Variants in PRKN observed in about 807,000 individuals in gnomAD.
PRKN encodes E3 ubiquitin-protein ligase parkin.
PRKN carries 56 observed loss-of-function variants against 59.5 expected under a neutral mutation model. That is an observed-to-expected ratio of 0.94 (90% CI 0.76 to 1.18). The LOEUF (loss-of-function observed/expected upper bound fraction) is 1.18, where lower values mean the gene tolerates loss of function less well. Ranked by LOEUF, PRKN falls within the 50% of genes most tolerant of loss-of-function variation. The pLI, the probability that PRKN is intolerant of heterozygous loss-of-function variation, is 0.00. For missense variants in PRKN, 657 were observed against 596.4 expected (o/e 1.10, Z -1.06); for synonymous variants, 250 against 222.1 (o/e 1.13, Z -1.12).
intron 7 of PRKN, among the ~76,000 whole-genome samples, chr6:161,660,647 T>C (rs1398662568): frequency 2.0e-5 from 3 of 152,152 alleles, no homozygotes; most frequent in Non-Finnish European, 2.9e-5. Flanking sequence ...TGCCTTCCCA[T>C]GTCCTGGGCC....
intron 5 of PRKN, among the ~76,000 whole-genome samples, chr6:162,000,997 C>T (rs776035032): frequency 1.1e-4 from 17 of 151,834 alleles, no homozygotes; most frequent in African/African-American, 3.9e-4. Flanking sequence ...TTCCATTGAT[C>T]GATTTGTCTA....
At chr6:161,381,164 T>C (rs2114928253) in intron 10 of PRKN, among the ~76,000 whole-genome samples, 1 of 152,362 alleles carries the variant, frequency 6.6e-6, no homozygotes, top group Admixed American at 6.5e-5. Context: ...TGTGTTGCTG[T>C]TGGCATTTGA....
chr6:161,874,121 A>G (rs1208524294), intron 6 of PRKN, among the ~76,000 whole-genome samples: 4 of 64,176 alleles, frequency 6.2e-5, no homozygotes, highest in Admixed American at 3.0e-4. Context: ...AAAATATAAT[A>G]TATAATATAT....
intron 7 of PRKN, among the ~76,000 whole-genome samples, chr6:161,724,983 C>T (rs1490856992): frequency 6.6e-6 from 1 of 152,164 alleles, no homozygotes; most frequent in Non-Finnish European, 1.5e-5. Flanking sequence ...GTGGCACCTC[C>T]CCTTCGCCCC....
At chr6:162,324,053 G>A (rs1583380226) in intron 2 of PRKN, among the ~76,000 whole-genome samples, 1 of 151,976 alleles carries the variant, frequency 6.6e-6, no homozygotes, top group South Asian at 2.1e-4. Context: ...ATACAGGTGT[G>A]CAACTTTCTA....
intron 1 of PRKN, among the ~76,000 whole-genome samples, chr6:162,633,919 C>A (rs965071841): frequency 6.6e-6 from 1 of 152,212 alleles, no homozygotes; most frequent in South Asian, 2.1e-4. Context: ...AAACATTAAT[C>A]ACTTCTAAAT....
intron 7 of PRKN, among the ~76,000 whole-genome samples, chr6:161,668,124 C>T (rs1476483061): frequency 2.6e-5 from 4 of 151,882 alleles, no homozygotes; most frequent in Admixed American, 1.3e-4. Context: ...AAGTCTTGTT[C>T]GCTCATCTGG....
chr6:161,567,035 T>TGTGTGTG lies in PRKN; in HGVS notation c.933+2319_933+2320insCACACAC, dbSNP rs1450596371. 4.9e-4 allele frequency among the ~76,000 whole-genome samples: 53 copies of TGTGTGTG among 108,076 alleles called. No homozygotes were observed. The East Asian group carries it at 7.3e-3, about 15-fold the overall frequency. 70.9% of individuals were successfully genotyped at this position (108,076 alleles called of 152,430 possible). On this transcript the variant is annotated intron_variant, in intron 8 of 11. Transcript: ENST00000366898. Reference sequence around the variant, plus strand: ...TTCACTGTCCTTGTTTTTTTTTTTTTTTTGTGTGTGTGTGTGTGTGTGTGA... The same window carrying TGTGTGTG: ...TTCACTGTCCTTGTTTTTTTTTTTTTGTGTGTGTTTGTGTGTGTGTGTGTGTGTGTGA...
intron 1 of PRKN, among the ~76,000 whole-genome samples, chr6:162,707,141 C>T (rs972641588): frequency 1.3e-5 from 2 of 152,032 alleles, no homozygotes; most frequent in Admixed American, 6.6e-5. Flanking sequence ...AGAGTTTCCC[C>T]AGCAAATTGT....
At chr6:161,430,997 G>C (rs573682529) in intron 9 of PRKN, among the ~76,000 whole-genome samples, 2 of 151,304 alleles carry the variant, frequency 1.3e-5, no homozygotes, top group Non-Finnish European at 2.9e-5. Context: ...AAATTAGCAC[G>C]GCACAGTGGT....
intron 4 of PRKN, among the ~76,000 whole-genome samples, chr6:162,102,550 T>C (rs542740289): frequency 2.3e-4 from 35 of 152,340 alleles, no homozygotes; most frequent in South Asian, 8.3e-4. Context: ...CGACTGCTCA[T>C]GCTGCATTCT....
intron 5 of PRKN, among the ~76,000 whole-genome samples, chr6:162,003,120 T>C (rs914147494): frequency 3.3e-5 from 5 of 150,730 alleles, no homozygotes; most frequent in Admixed American, 6.7e-5. Context: ...TCTATAGAGG[T>C]CAATTATATC....
At chr6:161,494,379 C>T (rs979628860) in intron 9 of PRKN, among the ~76,000 whole-genome samples, 20 of 152,312 alleles carry the variant, frequency 1.3e-4, no homozygotes, top group Middle Eastern at 3.4e-3. Context: ...CAGGTGTCCA[C>T]GTCAGCTGAG....
chr6:161,691,000 TC>T, intron 7 of PRKN, among the ~76,000 whole-genome samples: 1 of 149,790 alleles, frequency 6.7e-6, no homozygotes, highest in African/African-American at 2.5e-5. Flanking sequence ...CATCCATCCA[TC>T]CATCCAACCA....
intron 6 of PRKN, among the ~76,000 whole-genome samples, chr6:161,792,630 C>A (rs1245357854): frequency 6.6e-6 from 1 of 152,160 alleles, no homozygotes; most frequent in Non-Finnish European, 1.5e-5. Context: ...GAGAGTCTTG[C>A]AATTTAGCTA....
At chr6:162,144,129 A>G (rs1161249680) in intron 4 of PRKN, among the ~76,000 whole-genome samples, 2 of 152,156 alleles carry the variant, frequency 1.3e-5, no homozygotes, top group Non-Finnish European at 2.9e-5. Flanking sequence ...CTCTCTCAAA[A>G]TGTAGGTGCT....
rs901855544 is a variant in PRKN at position 161,547,366 on chromosome 6, G to A, written c.1083+1488C>T. ...CTAAAATAATTTGTCATGATTTGCA[G>A]CTTAAGTATGTATGTTATTTACTTA... On this transcript the variant is annotated intron_variant, in intron 9 of 11. Coordinates refer to ENST00000366898, the MANE Select transcript of PRKN (RefSeq NM_004562.3). This position sits in a 1 kb window ranked among gnomAD's most constrained non-coding sequence, Gnocchi z 4.0. Among the ~76,000 whole-genome samples, 1 of 152,066 alleles carries A rather than the reference G, an allele frequency of 6.6e-6. No homozygotes were observed. The highest frequency in any genetic ancestry group is 6.6e-5 in the Admixed American group (1 of 15,266).
intron 1 of PRKN, among the ~76,000 whole-genome samples, chr6:162,516,922 C>T (rs1281354464): frequency 2.6e-5 from 4 of 152,046 alleles, no homozygotes; most frequent in Admixed American, 6.6e-5. Context: ...TATACACTTG[C>T]CCTTGAGGAG....
chr6:161,669,118 T>C (rs1205626275), intron 7 of PRKN, among the ~76,000 whole-genome samples: 3 of 152,188 alleles, frequency 2.0e-5, no homozygotes, highest in South Asian at 2.1e-4. Context: ...ACTTTCACTA[T>C]GGGAAGTCAC....
Sources: gnomAD v4.1 joint callset for allele counts (sites outside exome capture counted in the v4.1 genomes callset) on GRCh38, gnomAD v4.1.1 for gene constraint, Gnocchi (gnomAD v3.1) non-coding constraint, MANE v1.5 for transcripts, NCBI Gene and HGNC (gene_info 2026-07-23, HGNC 2026-07-21) for gene names.